TMEM132D: variants seen among roughly 807,000 people sequenced by gnomAD.
TMEM132D encodes transmembrane protein 132D, also known as mature OL transmembrane protein.
In TMEM132D, 21 loss-of-function variants were observed where a neutral mutation model predicts 62.3. That is an observed-to-expected ratio of 0.34 (90% CI 0.24 to 0.49). TMEM132D has a LOEUF of 0.49. Among genes scored for constraint, TMEM132D ranks in the 20% least tolerant of loss-of-function variants. The pLI is 0.99. For missense variants in TMEM132D, 1,346 were observed against 1,402.8 expected (o/e 0.96, Z 0.65); for synonymous variants, 621 against 575.6 (o/e 1.08, Z -1.13).
intron 5 of TMEM132D, among the ~76,000 whole-genome samples, chr12:129,119,327 C>T (rs891938254): frequency 6.6e-6 from 1 of 152,146 alleles, no homozygotes; most frequent in Non-Finnish European, 1.5e-5. Flanking sequence ...CACACTCAGA[C>T]GTTAGCCACG....
At chr12:129,646,244 C>T (rs909889666) in intron 2 of TMEM132D, among the ~76,000 whole-genome samples, 1 of 152,274 alleles carries the variant, frequency 6.6e-6, no homozygotes, top group Non-Finnish European at 1.5e-5. Flanking sequence ...AAGTACATTT[C>T]GCACTGTCTC....
intron 1 of TMEM132D, among the ~76,000 whole-genome samples, chr12:129,824,117 C>T (rs145027795): frequency 1.5e-4 from 23 of 152,178 alleles, no homozygotes; most frequent in South Asian, 4.2e-4. Context: ...TGGAGGGCTG[C>T]GCAAGAATTC....
chr12:129,468,238 T>G (rs1873979447), intron 3 of TMEM132D, among the ~76,000 whole-genome samples: 1 of 152,118 alleles, frequency 6.6e-6, no homozygotes, highest in African/African-American at 2.4e-5. Flanking sequence ...GAGGAGTGGC[T>G]TTTTTCTTTC....
chr12:129,147,708 T>C (rs565571962), intron 5 of TMEM132D, among the ~76,000 whole-genome samples: 2 of 152,368 alleles, frequency 1.3e-5, no homozygotes, highest in South Asian at 2.1e-4. Context: ...AGGTGTCTAT[T>C]TGACCTTCAG....
chr12:129,830,086 A>G (rs1440065258), intron 1 of TMEM132D, among the ~76,000 whole-genome samples: 3 of 152,154 alleles, frequency 2.0e-5, no homozygotes, highest in African/African-American at 4.8e-5. Flanking sequence ...GTGCATTTGC[A>G]CCCACACCTG....
At chr12:129,849,503 C>T (rs937964136) in intron 1 of TMEM132D, among the ~76,000 whole-genome samples, 2 of 152,142 alleles carry the variant, frequency 1.3e-5, no homozygotes, top group Non-Finnish European at 2.9e-5. Context: ...TGAATCTACT[C>T]GAGTTATGTG....
chr12:129,711,796 ATATATAT>A (rs1868380191), intron 1 of TMEM132D, among the ~76,000 whole-genome samples: 1 of 148,158 alleles, frequency 6.7e-6, no homozygotes, highest in Non-Finnish European at 1.5e-5. Context: ...CATATTATAA[ATATATAT>A]TATATATTTA....
intron 5 of TMEM132D, among the ~76,000 whole-genome samples, chr12:129,188,148 G>T (rs1006263243): frequency 6.6e-6 from 1 of 152,168 alleles, no homozygotes; most frequent in Admixed American, 6.5e-5. Context: ...CCTTGAACGT[G>T]GACATGGAGA....
rs1875350862 is a variant in TMEM132D at position 129,506,958 on chromosome 12, C to A, written c.1115+24101G>T. Among the ~76,000 whole-genome samples, 4 of 152,144 alleles carry A rather than the reference C, an allele frequency of 2.6e-5. No individual in the cohort carries two copies. The East Asian group carries it at 7.7e-4, about 29-fold the overall frequency. The stretch of plus-strand genomic sequence containing the variant: ...GAGATAATCTTCACAATCTACACAT[C>A]TGATAAAGGACTAATATCCAGAATC... On this transcript the variant is annotated intron_variant, in intron 3 of 8. Coordinates refer to ENST00000422113, the MANE Select transcript of TMEM132D (RefSeq NM_133448.3).
intron 1 of TMEM132D, among the ~76,000 whole-genome samples, chr12:129,788,860 G>A (rs980136507): frequency 2.0e-5 from 3 of 152,086 alleles, no homozygotes; most frequent in Non-Finnish European, 2.9e-5. Context: ...CCAGTTAGAC[G>A]GAAGAGCCCT....
intron 2 of TMEM132D, among the ~76,000 whole-genome samples, chr12:129,563,192 C>T (rs1392218597): frequency 6.6e-6 from 1 of 152,168 alleles, no homozygotes; most frequent in African/African-American, 2.4e-5. Context: ...TAGAGAATAA[C>T]TGCAAGATAA....
chr12:129,866,706 G>A (rs1209198648), intron 1 of TMEM132D, among the ~76,000 whole-genome samples: 10 of 152,098 alleles, frequency 6.6e-5, no homozygotes, highest in African/African-American at 1.9e-4. Context: ...ACGGCAAACA[G>A]TACGTAGGCT....
chr12:129,185,811 C>CTATCTATCATCT (rs56931832), intron 5 of TMEM132D, among the ~76,000 whole-genome samples: 3 of 60,976 alleles, frequency 4.9e-5, no homozygotes, highest in Non-Finnish European at 1.2e-4. Flanking sequence ...ATCTATCTAT[C>CTATCTATCATCT]ATCTATCTAT....
intron 1 of TMEM132D, among the ~76,000 whole-genome samples, chr12:129,721,181 G>A (rs1027535365): frequency 3.3e-5 from 5 of 152,302 alleles, no homozygotes; most frequent in Middle Eastern, 3.4e-3. Flanking sequence ...AGGTGGGCAC[G>A]TGTGTTTTCA....
intron 4 of TMEM132D, among the ~76,000 whole-genome samples, chr12:129,246,738 C>A (rs527396393): frequency 6.7e-6 from 1 of 150,056 alleles, no homozygotes; most frequent in Non-Finnish European, 1.5e-5. Context: ...TGTCCTCCAG[C>A]CTGAGCGACA....
intron 2 of TMEM132D, among the ~76,000 whole-genome samples, chr12:129,665,739 A>C (rs987276469): frequency 2.0e-5 from 3 of 152,170 alleles, no homozygotes; most frequent in African/African-American, 4.8e-5. Context: ...TAACTTTTAT[A>C]CTATAGAAAA....
intron 2 of TMEM132D, among the ~76,000 whole-genome samples, chr12:129,695,901 C>T (rs1454781112): frequency 6.6e-6 from 1 of 152,196 alleles, no homozygotes; most frequent in Non-Finnish European, 1.5e-5. Flanking sequence ...TGATATCCAT[C>T]CAGTAAACCC....
intron 3 of TMEM132D, among the ~76,000 whole-genome samples, chr12:129,447,761 C>A (rs1242544510): frequency 6.6e-6 from 1 of 152,162 alleles, no homozygotes; most frequent in Non-Finnish European, 1.5e-5. Context: ...CACGGTCCTT[C>A]CGCAAACCAG....
At chr12:129,224,537 GA>G (rs1159246267) in intron 4 of TMEM132D, among the ~76,000 whole-genome samples, 30 of 152,332 alleles carry the variant, frequency 2.0e-4, no homozygotes, top group Non-Finnish European at 8.8e-5. Flanking sequence ...TTAGGTAACA[GA>G]CAAACCTTTC....
Sources: allele counts gnomAD v4.1 joint callset (sites outside exome capture counted in the v4.1 genomes callset), GRCh38; gene constraint gnomAD v4.1.1; transcripts MANE v1.5; gene names NCBI Gene and HGNC (gene_info 2026-07-23, HGNC 2026-07-21).